Variants in MKLN1 observed in about 807,000 individuals in gnomAD.
MKLN1 encodes muskelin.
In MKLN1, 18 loss-of-function variants were observed where a neutral mutation model predicts 99.0. The observed-to-expected ratio is 0.18, with a 90% confidence interval of 0.13 to 0.27. The LOEUF (loss-of-function observed/expected upper bound fraction) is 0.27, where lower values mean the gene tolerates loss of function less well. Among genes scored for constraint, MKLN1 ranks in the 10% least tolerant of loss-of-function variants. The probability of loss-of-function intolerance (pLI) is 1.00; values close to 1 mark genes in which losing one functional copy is unlikely to be tolerated. For missense variants in MKLN1, 621 were observed against 875.9 expected, an observed-to-expected ratio of 0.71 and a Z score of 3.67; for synonymous variants, 288 against 293.2, an observed-to-expected ratio of 0.98 and a Z score of 0.18.
At position 131,490,531 on chromosome 7, in the gene MKLN1, C is replaced by T. The variant is rs1248311994; in HGVS notation, c.*2803C>T. 1 of 152,546 alleles carries T rather than the reference C, an allele frequency of 6.6e-6. No homozygotes were observed. The highest frequency in any genetic ancestry group is 1.9e-4 in the East Asian group (1 of 5,192). 9.4% of individuals were successfully genotyped at this position (152,546 alleles called of 1,614,324 possible). On this transcript the variant is annotated 3_prime_UTR_variant, in exon 18 of 18. Transcript: ENST00000352689. ...GATTGAAGAATGTATCACTCTTATT[C>T]AAGCAAAGGAATTCAGACTTAAATG...
intron 2 of MKLN1, among the ~76,000 whole-genome samples, chr7:131,165,806 G>A (rs368782975): frequency 4.9e-4 from 74 of 152,262 alleles, no homozygotes; most frequent in Middle Eastern, 3.4e-3. Flanking sequence ...GTAGAAGGCC[G>A]GGAGATGAGT....
chr7:131,204,330 T>C (rs1023091592), intron 3 of MKLN1, among the ~76,000 whole-genome samples: 1 of 152,228 alleles, frequency 6.6e-6, no homozygotes, highest in African/African-American at 2.4e-5. Context: ...ATAGGTATGA[T>C]CATCTTTTGC....
chr7:131,228,013 A>G (rs1352520989), intron 3 of MKLN1, among the ~76,000 whole-genome samples: 5 of 152,102 alleles, frequency 3.3e-5, no homozygotes, highest in Non-Finnish European at 5.9e-5. Context: ...GAGCTCAATA[A>G]ATATCCAATC....
intron 3 of MKLN1, among the ~76,000 whole-genome samples, chr7:131,205,104 A>T (rs1796790049): frequency 6.6e-6 from 1 of 151,976 alleles, no homozygotes; most frequent in East Asian, 1.9e-4. Flanking sequence ...TCTCAAAAAA[A>T]AAAAAGAAAA....
intron 2 of MKLN1, among the ~76,000 whole-genome samples, chr7:131,152,900 C>T (rs1038870761): frequency 1.3e-5 from 2 of 151,798 alleles, no homozygotes; most frequent in Non-Finnish European, 2.9e-5. Context: ...TTCCTCATAA[C>T]TTATTTGTTG....
chr7:131,479,243 A>G (rs1054355178), intron 17 of MKLN1, among the ~76,000 whole-genome samples: 3 of 152,190 alleles, frequency 2.0e-5, no homozygotes, highest in Non-Finnish European at 2.9e-5. Context: ...TGAATTATTA[A>G]CTAGACTGTA....
intron 3 of MKLN1, among the ~76,000 whole-genome samples, chr7:131,297,076 G>A (rs1226334589): frequency 1.3e-5 from 2 of 151,998 alleles, no homozygotes; most frequent in Non-Finnish European, 2.9e-5. Context: ...ATACAGGCTG[G>A]GCGTGGTGGC....
chr7:131,495,242 A>G lies in MKLN1; in HGVS notation c.*7514A>G, dbSNP rs1797525777. On this transcript the variant is annotated 3_prime_UTR_variant, in exon 18 of 18. Transcript: ENST00000352689. The stretch of plus-strand genomic sequence containing the variant: ...TTCTCAAAACCAAAATTGGACTGAA[A>G]ATTAGATTGAGAAGAAAGATACAAC... 6.6e-6 allele frequency: 1 copy of G among 152,160 alleles called. No homozygotes were observed. Among genetic ancestry groups the G allele is most frequent in the Non-Finnish European group, 1.5e-5 (1 of 68,024 alleles). 9.4% of individuals were successfully genotyped at this position (152,160 alleles called of 1,614,324 possible). A position where few individuals can be genotyped will look rare whatever the true frequency, so the allele number is the denominator to read the frequency against.
chr7:131,308,551 G>A (rs573651171), intron 3 of MKLN1, among the ~76,000 whole-genome samples: 38 of 146,012 alleles, frequency 2.6e-4, no homozygotes, highest in South Asian at 2.2e-4. Context: ...ATGGGCTACC[G>A]CGCCTGGCCT....
chr7:131,139,858 A>G (rs1468258688), intron 1 of MKLN1, among the ~76,000 whole-genome samples: 1 of 152,124 alleles, frequency 6.6e-6, no homozygotes, highest in Non-Finnish European at 1.5e-5. Context: ...CAAGACCAGT[A>G]CTGGTTTTTG....
At chr7:131,413,895 T>C (rs1794946085) in intron 7 of MKLN1, among the ~76,000 whole-genome samples, 1 of 152,198 alleles carries the variant, frequency 6.6e-6, no homozygotes, top group Non-Finnish European at 1.5e-5. Flanking sequence ...AGTTGAATAA[T>C]AGTGTTCTCT....
Position 131,354,936 on chromosome 7 carries a change from A to G in MKLN1, c.99-20488A>G, listed in dbSNP as rs1012912735. Reference sequence around the variant, plus strand: ...TATTAAATTTTATGTGCTTTGTTCTATTTATTTTTATTTTTAAATTTTTTG... The same window carrying G: ...TATTAAATTTTATGTGCTTTGTTCTGTTTATTTTTATTTTTAAATTTTTTG... On this transcript the variant is annotated intron_variant, in intron 1 of 17. Coordinates refer to ENST00000352689, the MANE Select transcript of MKLN1 (RefSeq NM_013255.5). 4.6e-4 allele frequency among the ~76,000 whole-genome samples: 70 copies of G among 151,774 alleles called. 2 individuals carry two copies. Among genetic ancestry groups the G allele is most frequent in the Non-Finnish European group, 1.2e-4 (8 of 67,926 alleles).
At chr7:131,416,752 G>T (rs111474420) in intron 8 of MKLN1, among the ~76,000 whole-genome samples, 1 of 151,614 alleles carries the variant, frequency 6.6e-6, no homozygotes, top group African/African-American at 2.4e-5. Flanking sequence ...GAAGCCAAAG[G>T]GGGAGGATCC....
intron 3 of MKLN1, among the ~76,000 whole-genome samples, chr7:131,280,547 G>A (rs1005969643): frequency 6.6e-6 from 1 of 152,142 alleles, no homozygotes; most frequent in East Asian, 1.9e-4. Context: ...CCTGAATGAC[G>A]AATAATGTTA....
At chr7:131,123,882 G>A (rs759318062) in intron 1 of MKLN1, among the ~76,000 whole-genome samples, 1 of 152,172 alleles carries the variant, frequency 6.6e-6, no homozygotes, top group African/African-American at 2.4e-5. Context: ...AGGTAGGTAG[G>A]TAGACTGACA....
At chr7:131,261,245 T>C (rs1797727460) in intron 3 of MKLN1, among the ~76,000 whole-genome samples, 1 of 152,154 alleles carries the variant, frequency 6.6e-6, no homozygotes, top group Non-Finnish European at 1.5e-5. Flanking sequence ...AAACTATGCA[T>C]CCGGCAAAGG....
At chr7:131,273,038 A>T (rs1387576848) in intron 3 of MKLN1, among the ~76,000 whole-genome samples, 2 of 152,212 alleles carry the variant, frequency 1.3e-5, no homozygotes, top group Non-Finnish European at 2.9e-5. Flanking sequence ...GAACCAGAAG[A>T]TATCACAGTC....
chr7:131,225,307 A>C (rs1232220402), intron 3 of MKLN1, among the ~76,000 whole-genome samples: 1 of 152,274 alleles, frequency 6.6e-6, no homozygotes, highest in African/African-American at 2.4e-5. Context: ...AGGAGGGAAG[A>C]TATCTCTCCG....
intron 3 of MKLN1, among the ~76,000 whole-genome samples, chr7:131,275,534 GATATATATATATATATATATAT>G (rs1166104066): frequency 1.4e-4 from 2 of 14,274 alleles, no homozygotes; most frequent in African/African-American, 2.9e-4. Flanking sequence ...ACGCCCAGCT[GATATATATATATATATATATAT>G]ATATATATAT....
Sources: gnomAD v4.1 joint callset for allele counts (sites outside exome capture counted in the v4.1 genomes callset) on GRCh38, gnomAD v4.1.1 for gene constraint, MANE v1.5 for transcripts, NCBI Gene and HGNC (gene_info 2026-07-23, HGNC 2026-07-21) for gene names.